The following KCNG4 variants were observed in gnomAD, a reference collection of about 807,000 sequenced individuals.
KCNG4 encodes the protein potassium voltage-gated channel modifier subfamily G member 4.
In KCNG4, 30 loss-of-function variants were observed where a neutral mutation model predicts 28.2. The observed-to-expected ratio is 1.06, with a 90% confidence interval of 0.80 to 1.44. The LOEUF (loss-of-function observed/expected upper bound fraction) is 1.44. KCNG4 is among the 40% of genes most tolerant of loss of function. The probability of loss-of-function intolerance (pLI) is 0.00; values close to 1 mark genes in which losing one functional copy is unlikely to be tolerated. For missense variants in KCNG4, 879 were observed against 712.3 expected (o/e 1.23, Z -2.66); for synonymous variants, 375 against 315.5 (o/e 1.19, Z -2.00).
rs751427973 is a variant in KCNG4, at chr16:84,222,302, G to C, written c.1475C>G (p.Pro492Arg). The C allele has an allele frequency of 2.4e-5, 38 of 1,614,210 alleles. No individual in the cohort carries two copies. The East Asian group carries it at 8.0e-4, about 34-fold the overall frequency. ...GPASECELLD[P>R]HVASEHELMN... ...GAGCTCATGTTCACTGGCCACATGGGGGTCCAGGAGTTCACATTCACTGGC... is the reference window on the plus strand; with the variant it reads ...GAGCTCATGTTCACTGGCCACATGGCGGTCCAGGAGTTCACATTCACTGGC... The change falls in exon 3 of 3, where the codon CCC (proline) becomes CGC (arginine). Residue 492 changes from proline to arginine, a missense_variant. Coordinates refer to ENST00000308251, the MANE Select transcript of KCNG4 (RefSeq NM_172347.3).
chr16:84,229,892 C>A (rs1904786111), intron 2 of KCNG4, among the ~76,000 whole-genome samples: 1 of 152,180 alleles, frequency 6.6e-6, no homozygotes, highest in South Asian at 2.1e-4. Flanking sequence ...AGAGCAATTA[C>A]CAAATGCCAC....
Position 84,222,759 on chromosome 16 carries a change from G to A in KCNG4, c.1018C>T (p.Arg340Ter), listed in dbSNP as rs371318548. The A allele has an allele frequency of 2.5e-5, 41 of 1,611,480 alleles. No homozygotes were observed. Among genetic ancestry groups the A allele is most frequent in the East Asian group, 6.7e-5 (3 of 44,740 alleles). Residue 340 changes from arginine to a stop codon, truncating the protein, a stop_gained, in exon 3 of 3, where the codon CGA (arginine) becomes TGA (stop). Transcript: ENST00000308251. LOFTEE classifies it high-confidence loss of function. ...EKVGLVLRVL[R>*]ALRILYVMRL... ...ATCACGTAGAGGATGCGCAGCGCTC[G>A]CAGCACACGCAGGACCAGCCCCACC... is the stretch of plus-strand genomic sequence containing the variant.
At chr16:84,231,584 C>T (rs1904829021) in intron 2 of KCNG4, among the ~76,000 whole-genome samples, 1 of 152,094 alleles carries the variant, frequency 6.6e-6, no homozygotes, top group African/African-American at 2.4e-5. Context: ...CTGCAGGTGC[C>T]CAGGGCTGGA....
At chr16:84,225,105 T>C (rs244875) in intron 2 of KCNG4, among the ~76,000 whole-genome samples, 145,085 of 152,248 alleles carry the variant, frequency 0.95, 69,172 homozygotes, top group East Asian at 1. Context: ...TTAACCGAAC[T>C]ATACATTGGT....
In KCNG4 at chr16:84,238,364, G is replaced by C. The variant is rs529016815; in HGVS notation, c.-40-839C>G. Reference sequence around the variant, plus strand: ...GTGACTATGCTTAGCGAGCATCCAAGCATCTAGGTCTCAGGAGGAACTCCA... The same window carrying C: ...GTGACTATGCTTAGCGAGCATCCAACCATCTAGGTCTCAGGAGGAACTCCA... On this transcript the variant is annotated intron_variant, in intron 1 of 2. Transcript: ENST00000308251. Among the ~76,000 whole-genome samples the C allele has an allele frequency of 2.0e-5, 3 of 152,334 alleles. No individual in the cohort carries two copies. The South Asian group carries it at 6.2e-4, about 32-fold the overall frequency.
At chr16:84,232,566 G>T (rs1023339537) in intron 2 of KCNG4, among the ~76,000 whole-genome samples, 2 of 152,092 alleles carry the variant, frequency 1.3e-5, no homozygotes, top group African/African-American at 4.8e-5. Flanking sequence ...TTCCCTTTAA[G>T]TTGCTCAATT....
intron 2 of KCNG4, among the ~76,000 whole-genome samples, chr16:84,225,358 A>G (rs1269645766): frequency 6.6e-6 from 1 of 152,162 alleles, no homozygotes; most frequent in African/African-American, 2.4e-5. Context: ...TTTCCAATGC[A>G]GAGTTTGGAA....
Position 84,222,666 on chromosome 16 carries a change from A to C in KCNG4, c.1111T>G (p.Phe371Val), listed in dbSNP as rs1253792638. Residue 371 changes from phenylalanine to valine, a missense_variant, in exon 3 of 3, where the codon TTC becomes GTC. By Grantham distance (50) the Phe-to-Val change is conservative. Transcript: ENST00000308251. ...GCCAGGAAGAGAAGGAGCAGGCCGAACTCACGTGTGCAACGGCGCACGGTG... is the reference window on the plus strand; with the variant it reads ...GCCAGGAAGAGAAGGAGCAGGCCGACCTCACGTGTGCAACGGCGCACGGTG... ...GLTVRRCTRE[F>V]GLLLLFLAVA... The C allele has an allele frequency of 3.7e-6, 6 of 1,613,292 alleles. No individual in the cohort carries two copies. Among genetic ancestry groups the C allele is most frequent in the Non-Finnish European group, 5.1e-6 (6 of 1,179,926 alleles).
Position 84,237,563 on chromosome 16 carries a change from G to C in KCNG4, c.-40-38C>G, listed in dbSNP as rs575749342. 26 of 1,387,534 alleles carry C rather than the reference G, an allele frequency of 1.9e-5. No individual in the cohort carries two copies. The South Asian group carries it at 4.2e-4, about 23-fold the overall frequency. The allele number at this position is 1,387,534 out of a possible 1,614,324, so 86.0% of individuals were successfully genotyped here. A position where few individuals can be genotyped will look rare whatever the true frequency, so the allele number is the denominator to read the frequency against. ...GGACAAAGAGCAAGCAAAAGGAAGG[G>C]AAATCAGTCTTGGGGCAAAGAGTCC... On this transcript the variant is annotated intron_variant, in intron 1 of 2. Transcript: ENST00000308251.
chr16:84,230,962 G>A (rs1487610383), intron 2 of KCNG4, among the ~76,000 whole-genome samples: 1 of 152,200 alleles, frequency 6.6e-6, no homozygotes, highest in Non-Finnish European at 1.5e-5. Context: ...GAGCAGAGGA[G>A]GAATGAGGGC....
rs777607685 is a variant in KCNG4, at chr16:84,236,960, C to A, written c.526G>T (p.Ala176Ser). 6.2e-7 allele frequency: 1 copy of A among 1,607,762 alleles called. No individual in the cohort carries two copies. The highest frequency in any genetic ancestry group is 1.1e-5 in the South Asian group (1 of 90,998). Residue 176 changes from alanine to serine, a missense_variant, in exon 2 of 3, where the codon GCC (alanine) becomes TCC (serine). By Grantham distance (99) the Ala-to-Ser change is moderately conservative. Transcript: ENST00000308251. ...LRKLEELEEL[A>S]KLHREDVLRQ... ...AGTACGTCCTCCCTGTGCAGCTTGG[C>A]CAGCTCCTCCAGCTCCTCCAGCTTC...
Position 84,237,305 on chromosome 16 carries a change from T to C in KCNG4, c.181A>G (p.Ile61Val), listed in dbSNP as rs1162247133. The change falls in exon 2 of 3, where the codon ATC becomes GTC. Residue 61 changes from isoleucine (I) to valine (V), a missense_variant. Transcript: ENST00000308251. The part of the protein sequence containing the change: ...DASPVDLKKE[I>V]LINVGGRRYL... ...CTCCTGCCCCCCACGTTGATCAGGA[T>C]CTCCTTCTTCAGGTCCACTGGGGAG... 2 of 1,596,316 alleles carry C rather than the reference T, an allele frequency of 1.3e-6. No homozygotes were observed. Among genetic ancestry groups the C allele is most frequent in the South Asian group, 1.1e-5 (1 of 88,414 alleles).
intron 2 of KCNG4, among the ~76,000 whole-genome samples, chr16:84,230,137 G>T (rs1407496039): frequency 1.3e-5 from 2 of 152,194 alleles, no homozygotes; most frequent in Non-Finnish European, 2.9e-5. Flanking sequence ...AGGCATAGTG[G>T]CTCAGGCCTA....
chr16:84,223,628 G>T (rs551394213), intron 2 of KCNG4, among the ~76,000 whole-genome samples: 2 of 152,190 alleles, frequency 1.3e-5, no homozygotes, highest in Non-Finnish European at 2.9e-5. Context: ...TGAGCAGGCA[G>T]TGTGACCCCA....
rs536829985 is a variant in KCNG4, at chr16:84,222,375, G to A, written c.1402C>T (p.Gln468Ter). The change falls in exon 3 of 3, where the codon CAG becomes TAG. Residue 468 changes from glutamine (Q) to a stop codon, truncating the protein, a stop_gained. Transcript: ENST00000308251. LOFTEE classifies it low-confidence loss of function (END_TRUNC). ...CGGAGGCGGGCCTGAAGCTGCTCCTGCTCCTTCTTGAGCTCCAGGTAGGAG... is the reference window on the plus strand; with the variant it reads ...CGGAGGCGGGCCTGAAGCTGCTCCTACTCCTTCTTGAGCTCCAGGTAGGAG... Reference protein sequence around the residue: ...SHSYLELKKEQEQLQARLRHL... With the variant: ...SHSYLELKKE 4 of 1,614,150 alleles carry A rather than the reference G, an allele frequency of 2.5e-6. No homozygotes were observed. The South Asian group carries it at 3.3e-5, about 13-fold the overall frequency.
At chr16:84,228,088 G>T (rs1285360903) in intron 2 of KCNG4, among the ~76,000 whole-genome samples, 2 of 152,248 alleles carry the variant, frequency 1.3e-5, no homozygotes, top group African/African-American at 4.8e-5. Flanking sequence ...GGGTCCCACA[G>T]CCTGGCCCTC....
At chr16:84,233,845 C>A (rs900578620) in intron 2 of KCNG4, among the ~76,000 whole-genome samples, 1 of 151,922 alleles carries the variant, frequency 6.6e-6, no homozygotes, top group Admixed American at 6.6e-5. Context: ...CATAGGGGGT[C>A]GGATTTTAGA....
chr16:84,237,646 G>T (rs1905007911), intron 1 of KCNG4, 121 bp from the exon 2 acceptor site: 3 of 576,304 alleles, frequency 5.2e-6, no homozygotes, highest in Non-Finnish European at 8.1e-6. Flanking sequence ...CATCTGCATG[G>T]CTTGTTCTTT....
At chr16:84,238,501 T>C (rs1025106943) in intron 1 of KCNG4, among the ~76,000 whole-genome samples, 1 of 152,214 alleles carries the variant, frequency 6.6e-6, no homozygotes, top group Non-Finnish European at 1.5e-5. Context: ...GTTCGTTGCG[T>C]GCTTGCCTCA....
Sources: allele counts gnomAD v4.1 joint callset (sites outside exome capture counted in the v4.1 genomes callset), GRCh38; gene constraint gnomAD v4.1.1; transcripts MANE v1.5; gene names NCBI Gene and HGNC (gene_info 2026-07-23, HGNC 2026-07-21).